The following HINFP variants were observed in gnomAD, a reference collection of about 807,000 sequenced individuals.
HINFP encodes histone H4 transcription factor.
In HINFP, 20 loss-of-function variants were observed where a neutral mutation model predicts 50.1. The ratio of observed to expected loss-of-function variants is 0.40; its 90% confidence interval spans 0.28 to 0.58. HINFP has a LOEUF of 0.58. Among genes scored for constraint, HINFP ranks in the 20% least tolerant of loss-of-function variants. The probability of loss-of-function intolerance (pLI) is 0.45; values close to 1 mark genes in which losing one functional copy is unlikely to be tolerated. For missense variants in HINFP, 505 were observed against 664.1 expected, an observed-to-expected ratio of 0.76 and a Z score of 2.63; for synonymous variants, 247 against 243.7, an observed-to-expected ratio of 1.01 and a Z score of -0.13.
Position 119,134,008 on chromosome 11 carries a change from C to G in HINFP, c.1140-76C>G, listed in dbSNP as rs772039452. 2 of 1,602,278 alleles carry G rather than the reference C, an allele frequency of 1.2e-6. No individual in the cohort carries two copies. Among genetic ancestry groups the G allele is most frequent in the Non-Finnish European group, 8.5e-7 (1 of 1,170,456 alleles). On this transcript the variant is annotated intron_variant, in intron 9 of 9. Transcript: ENST00000350777. The surrounding 1 kb of genome is among the most constrained non-coding windows in gnomAD (Gnocchi z 4.3). ...ACTTCTTCCATCCCTCATGTTTGTT[C>G]CTTACTTTGCCAGCCTCGGCCATTT...
chr11:119,134,668 C>A lies in HINFP; in HGVS notation c.*170C>A. On this transcript the variant is annotated 3_prime_UTR_variant, in exon 10 of 10. Coordinates refer to ENST00000350777, the MANE Select transcript of HINFP (RefSeq NM_198971.3). This position sits in a 1 kb window ranked among gnomAD's most constrained non-coding sequence, Gnocchi z 4.3. The stretch of plus-strand genomic sequence containing the variant: ...ATCATTCTGCAGACTCTAAAGACTT[C>A]CCTTTTCTGCCAGACTACATTTTGT... 1.8e-6 allele frequency: 1 copy of A among 542,886 alleles called. No individual in the cohort carries two copies. Among genetic ancestry groups the A allele is most frequent in the Non-Finnish European group, 3.2e-6 (1 of 309,122 alleles). 33.6% of individuals were successfully genotyped at this position (542,886 alleles called of 1,614,324 possible). A position where few individuals can be genotyped will look rare whatever the true frequency, so the allele number is the denominator to read the frequency against.
chr11:119,132,963 C>T lies in HINFP; in HGVS notation c.975C>T (p.Ser325=), dbSNP rs772199146. 5.6e-6 allele frequency: 9 copies of T among 1,614,086 alleles called. No individual in the cohort carries two copies. The Admixed American group carries it at 1.0e-4, about 18-fold the overall frequency. The change falls in exon 8 of 10, where the codon TCC becomes TCT. Residue 325 remains serine, a synonymous_variant. Transcript: ENST00000350777. The part of the protein sequence containing the change: ...DFENCTFSAR[S]LCSIKSHYRK... Reference sequence around the variant, plus strand: ...AGAACTGCACCTTCAGTGCCCGATCCCTCTGCTCTATCAAGTCCCATTACC... The same window carrying T: ...AGAACTGCACCTTCAGTGCCCGATCTCTCTGCTCTATCAAGTCCCATTACC...
intron 2 of HINFP, 175 bp from the exon 3 acceptor site, chr11:119,130,550 G>C (rs753558436): frequency 5.3e-5 from 32 of 600,620 alleles, no homozygotes; most frequent in Non-Finnish European, 8.9e-5. Context: ...CCTCTAACTG[G>C]CACACAATTT....
chr11:119,127,390 T>C (rs1234393883), intron 2 of HINFP: 2 of 294,354 alleles, frequency 6.8e-6, no homozygotes, highest in Non-Finnish European at 1.2e-5. Flanking sequence ...TCTGCCTGTG[T>C]TTACATATAT....
chr11:119,133,412 C>T (rs1453921546), intron 9 of HINFP, 193 bp downstream of exon 9: 1 of 587,996 alleles, frequency 1.7e-6, no homozygotes, highest in African/African-American at 1.9e-5. Context: ...AACCCCGTCT[C>T]TACTAAAAAT....
At chr11:119,122,629 G>A (rs1947133936) in intron 1 of HINFP, among the ~76,000 whole-genome samples, 1 of 152,180 alleles carries the variant, frequency 6.6e-6, no homozygotes, top group Non-Finnish European at 1.5e-5. Context: ...GCTCTGTGCT[G>A]AATCTGAGAA....
At chr11:119,130,180 ATCT>A (rs1947674174) in intron 2 of HINFP, 1 of 152,742 alleles carries the variant, frequency 6.5e-6, no homozygotes. Flanking sequence ...GAGAGGCAGC[ATCT>A]TCATCAGGAA....
Position 119,134,513 on chromosome 11 carries a change from G to T in HINFP, c.*15G>T. On this transcript the variant is annotated 3_prime_UTR_variant, in exon 10 of 10. Coordinates refer to ENST00000350777, the MANE Select transcript of HINFP (RefSeq NM_198971.3). The surrounding 1 kb of genome is among the most constrained non-coding windows in gnomAD (Gnocchi z 4.3). ...AGATGGTTTGAAGGCCGCAGAGCCAGACCATTTCTTCCCCAGGTCCTGAAG... is the reference window on the plus strand; with the variant it reads ...AGATGGTTTGAAGGCCGCAGAGCCATACCATTTCTTCCCCAGGTCCTGAAG... 2 of 1,557,918 alleles carry T rather than the reference G, an allele frequency of 1.3e-6. No homozygotes were observed. Among genetic ancestry groups the T allele is most frequent in the South Asian group, 1.2e-5 (1 of 84,470 alleles).
chr11:119,134,526 C>G lies in HINFP; in HGVS notation c.*28C>G, dbSNP rs1297382401. The G allele has an allele frequency of 6.5e-7, 1 of 1,532,330 alleles. No individual in the cohort carries two copies. The highest frequency in any genetic ancestry group is 8.8e-7 in the Non-Finnish European group (1 of 1,136,560). 94.9% of individuals were successfully genotyped at this position (1,532,330 alleles called of 1,614,324 possible). The stretch of plus-strand genomic sequence containing the variant: ...GCCGCAGAGCCAGACCATTTCTTCC[C>G]CAGGTCCTGAAGTTTGAGCCAGGCA... On this transcript the variant is annotated 3_prime_UTR_variant, in exon 10 of 10. Transcript: ENST00000350777. The surrounding 1 kb of genome is among the most constrained non-coding windows in gnomAD (Gnocchi z 4.3).
rs542684697 is a variant in HINFP, at chr11:119,129,911, C to T, written c.182-814C>T. 5 of 152,300 alleles carry T rather than the reference C, an allele frequency of 3.3e-5. No individual in the cohort carries two copies. In the South Asian group the frequency reaches 1.0e-3, roughly 32 times the overall value. The allele number at this position is 152,300 out of a possible 1,614,324, so 9.4% of individuals were successfully genotyped here. ...TGTTTTAAGTCTGATGACTATGAACCATAATTGATAGTTTCAAAATTCAAG... is the reference window on the plus strand; with the variant it reads ...TGTTTTAAGTCTGATGACTATGAACTATAATTGATAGTTTCAAAATTCAAG... On this transcript the variant is annotated intron_variant, in intron 2 of 9. Transcript: ENST00000350777.
At position 119,131,508 on chromosome 11, in the gene HINFP, C is replaced by T; in HGVS notation, c.412-27C>T. ...GTGAGTCCCTCTACCCACCCTCAGT[C>T]CTCACCCCAAGTTGCCCCTGGCACA... is the stretch of plus-strand genomic sequence containing the variant. On this transcript the variant is annotated intron_variant, in intron 3 of 9. Coordinates refer to ENST00000350777, the MANE Select transcript of HINFP (RefSeq NM_198971.3). This position sits in a 1 kb window ranked among gnomAD's most constrained non-coding sequence, Gnocchi z 4.2. 2 of 1,519,564 alleles carry T rather than the reference C, an allele frequency of 1.3e-6. No individual in the cohort carries two copies. The highest frequency in any genetic ancestry group is 1.7e-5 in the Admixed American group (1 of 59,898). 94.1% of individuals were successfully genotyped at this position (1,519,564 alleles called of 1,614,324 possible). A position where few individuals can be genotyped will look rare whatever the true frequency, so the allele number is the denominator to read the frequency against.
In HINFP at chr11:119,133,854, C is replaced by CT. The variant is rs1639431798; in HGVS notation, c.1140-229dup. 19 of 602,872 alleles carry CT rather than the reference C, an allele frequency of 3.2e-5. No individual in the cohort carries two copies. In the South Asian group the frequency reaches 3.7e-4, roughly 12 times the overall value. The allele number at this position is 602,872 out of a possible 1,614,324, so 37.3% of individuals were successfully genotyped here. A position where few individuals can be genotyped will look rare whatever the true frequency, so the allele number is the denominator to read the frequency against. ...ACCCTCCAACACAGTCAGTCAGTCT[C>CT]TGTTTTTCTGGTTGGGTTTCTATAT... On this transcript the variant is annotated intron_variant, in intron 9 of 9. Coordinates refer to ENST00000350777, the MANE Select transcript of HINFP (RefSeq NM_198971.3).
At chr11:119,132,341 C>T (rs949198463) in intron 5 of HINFP, 155 bp from the exon 6 acceptor site, 1 of 690,958 alleles carries the variant, frequency 1.4e-6, no homozygotes, top group African/African-American at 1.8e-5. Flanking sequence ...CTCTAAGTCC[C>T]ATGCTCTTTC....
rs550259148 is a variant in HINFP at position 119,133,905 on chromosome 11, C to T, written c.1140-179C>T. ...AAAACTTTCCATTTTGAGTAATGAT[C>T]TTTCCCTCTTGCCTTTTCTTCTACA... On this transcript the variant is annotated intron_variant, in intron 9 of 9. Coordinates refer to ENST00000350777, the MANE Select transcript of HINFP (RefSeq NM_198971.3). The T allele has an allele frequency of 1.0e-4, 74 of 742,786 alleles. No individual in the cohort carries two copies. In the East Asian group the frequency reaches 1.9e-3, roughly 19 times the overall value. The allele number at this position is 742,786 out of a possible 1,614,324, so 46.0% of individuals were successfully genotyped here.
intron 2 of HINFP, among the ~76,000 whole-genome samples, chr11:119,129,427 A>G (rs1947620495): frequency 6.6e-6 from 1 of 151,462 alleles, no homozygotes; most frequent in South Asian, 2.1e-4. Flanking sequence ...CTGCCTCAGC[A>G]TGCTGAGCAG....
In HINFP at chr11:119,132,903, C is replaced by T; in HGVS notation, c.915C>T (p.Thr305=). The change falls in exon 8 of 10, where the codon ACC becomes ACT. Residue 305 remains threonine (T), a synonymous_variant. Coordinates refer to ENST00000350777, the MANE Select transcript of HINFP (RefSeq NM_198971.3). ...TTGACCTCCAGAAGCACCTGGATAC[C>T]CACAGCGAGGAGCCAGCCTACAGGT... is the stretch of plus-strand genomic sequence containing the variant. The part of the protein sequence containing the change: ...NLIDLQKHLD[T]HSEEPAYRCD... 1 of 1,614,220 alleles carries T rather than the reference C, an allele frequency of 6.2e-7. No individual in the cohort carries two copies. Among genetic ancestry groups the T allele is most frequent in the South Asian group, 1.1e-5 (1 of 91,082 alleles).
rs1272866965 is a variant in HINFP at position 119,132,548 on chromosome 11, A to G, written c.729A>G (p.Leu243=). 1.2e-6 allele frequency: 2 copies of G among 1,614,158 alleles called. No homozygotes were observed. The highest frequency in any genetic ancestry group is 1.7e-5 in the Admixed American group (1 of 60,032). ...CCAAGAGATTTGCCACAGAGCGGCT[A>G]TTGCGGGACCACATGCGCAACCATG... ...HCSKRFATER[L]LRDHMRNHVN... Residue 243 remains leucine (L), a synonymous_variant, in exon 6 of 10, where the codon CTA becomes CTG. Coordinates refer to ENST00000350777, the MANE Select transcript of HINFP (RefSeq NM_198971.3).
rs1403633209 is a variant in HINFP, at chr11:119,134,335, T to C, written c.1391T>C (p.Ile464Thr). 6.2e-7 allele frequency: 1 copy of C among 1,614,150 alleles called. No homozygotes were observed. The highest frequency in any genetic ancestry group is 8.5e-7 in the Non-Finnish European group (1 of 1,179,988). ...TCTCAGGACAACCCCAGTTCTGTCA[T>C]CCACGTGGTGAATCAGACCAATGCC... ...SASQDNPSSV[I>T]HVVNQTNAQG... is the part of the protein sequence containing the mutation. The change falls in exon 10 of 10, where the codon ATC becomes ACC. Residue 464 changes from isoleucine to threonine, a missense_variant. Coordinates refer to ENST00000350777, the MANE Select transcript of HINFP (RefSeq NM_198971.3). This position sits in a 1 kb window ranked among gnomAD's most constrained non-coding sequence, Gnocchi z 4.3.
chr11:119,128,358 T>C (rs1355959693), intron 2 of HINFP, among the ~76,000 whole-genome samples: 1 of 152,136 alleles, frequency 6.6e-6, no homozygotes. Context: ...CAGGCTGTAG[T>C]GCAGTGGTGC....
Sources: allele counts gnomAD v4.1 joint callset (sites outside exome capture counted in the v4.1 genomes callset), GRCh38; gene constraint gnomAD v4.1.1; non-coding constraint Gnocchi (gnomAD v3.1); transcripts MANE v1.5; gene names NCBI Gene and HGNC (gene_info 2026-07-23, HGNC 2026-07-21).